The following NTNG2 variants were observed in gnomAD, a reference collection of about 807,000 sequenced individuals.
NTNG2 encodes the protein netrin G2.
In NTNG2, 15 loss-of-function variants were observed where a neutral mutation model predicts 47.6. The observed-to-expected ratio is 0.32, with a 90% CI of 0.21 to 0.49. The LOEUF (loss-of-function observed/expected upper bound fraction) is 0.49, where lower values mean the gene tolerates loss of function less well. NTNG2 is among the 20% of genes least tolerant of loss of function. NTNG2 has a pLI of 0.99. For synonymous variants in NTNG2, 307 were observed against 324.6 expected (o/e 0.95, Z 0.58); for missense variants, 578 against 764.6 (o/e 0.76, Z 2.88).
Position 132,189,068 on chromosome 9 carries a change from C to CTT in NTNG2, c.214-8872_214-8871dup, listed in dbSNP as rs749756559. Among the ~76,000 whole-genome samples, 384 of 93,266 alleles carry CTT rather than the reference C, an allele frequency of 4.1e-3. 61 individuals are homozygous for CTT. The highest frequency in any genetic ancestry group is 0.015 in the African/African-American group (330 of 21,980). 61.2% of individuals were successfully genotyped at this position (93,266 alleles called of 152,430 possible). On this transcript the variant is annotated intron_variant, in intron 2 of 7. Coordinates refer to ENST00000393229, the MANE Select transcript of NTNG2 (RefSeq NM_032536.4). ...TATGTGAAAAAGGCTTTAAGCCTTT[C>CTT]TTTTTTTTTTTTTTTTTTTTTTTTT...
At chr9:132,219,090 G>A (rs1353502437) in intron 3 of NTNG2, among the ~76,000 whole-genome samples, 6 of 151,966 alleles carry the variant, frequency 3.9e-5, no homozygotes, top group African/African-American at 7.2e-5. Context: ...GGTGGCACAC[G>A]CCTGTAATCC....
At position 132,197,473 on chromosome 9, in the gene NTNG2, G is replaced by A. The variant is rs749061685; in HGVS notation, c.214-493G>A. ...GAGATATTTAGAGAGTCGAGAATGTGAATGGGAATTTTTGAGGCGGACAGA... is the reference window on the plus strand; with the variant it reads ...GAGATATTTAGAGAGTCGAGAATGTAAATGGGAATTTTTGAGGCGGACAGA... On this transcript the variant is annotated intron_variant, in intron 2 of 7. Coordinates refer to ENST00000393229, the MANE Select transcript of NTNG2 (RefSeq NM_032536.4). This position sits in a 1 kb window ranked among gnomAD's most constrained non-coding sequence, Gnocchi z 4.3. 1.3e-4 allele frequency among the ~76,000 whole-genome samples: 20 copies of A among 152,246 alleles called. No homozygotes were observed. The highest frequency in any genetic ancestry group is 2.5e-4 in the Non-Finnish European group (17 of 68,046).
At chr9:132,202,914 G>C (rs1838887207) in intron 3 of NTNG2, among the ~76,000 whole-genome samples, 2 of 152,284 alleles carry the variant, frequency 1.3e-5, no homozygotes, top group African/African-American at 4.8e-5. Flanking sequence ...TGGAACCTCA[G>C]TTTTCTCATC....
At chr9:132,192,741 T>C (rs1377743752) in intron 2 of NTNG2, among the ~76,000 whole-genome samples, 1 of 152,120 alleles carries the variant, frequency 6.6e-6, no homozygotes, top group South Asian at 2.1e-4. Flanking sequence ...TTCTGAGACC[T>C]TGGGGAGCAA....
intron 2 of NTNG2, among the ~76,000 whole-genome samples, chr9:132,167,487 C>A (rs1388106774): frequency 6.6e-6 from 1 of 152,242 alleles, no homozygotes; most frequent in Non-Finnish European, 1.5e-5. Flanking sequence ...TCCAATCCAG[C>A]AGACGGTACC....
intron 2 of NTNG2, among the ~76,000 whole-genome samples, chr9:132,190,006 G>A (rs902392152): frequency 1.4e-5 from 2 of 147,962 alleles, no homozygotes; most frequent in Admixed American, 6.7e-5. Flanking sequence ...GGCCGAGGCG[G>A]GCGGCTCATG....
rs1469763875 is a variant in NTNG2, at chr9:132,231,405, C to T, written c.1054+810C>T. 6.6e-6 allele frequency: 3 copies of T among 451,704 alleles called. No homozygotes were observed. Among genetic ancestry groups the T allele is most frequent in the East Asian group, 7.1e-5 (1 of 14,176 alleles). 28.0% of individuals were successfully genotyped at this position (451,704 alleles called of 1,614,324 possible). A position where few individuals can be genotyped will look rare whatever the true frequency, so the allele number is the denominator to read the frequency against. ...GAGCAGACCCCAAATCTCAGAGATGCTTCTGGGGTGCACCGTCACCCTCCA... is the reference window on the plus strand; with the variant it reads ...GAGCAGACCCCAAATCTCAGAGATGTTTCTGGGGTGCACCGTCACCCTCCA... On this transcript the variant is annotated intron_variant, in intron 5 of 7. Coordinates refer to ENST00000393229, the MANE Select transcript of NTNG2 (RefSeq NM_032536.4). The surrounding 1 kb of genome is among the most constrained non-coding windows in gnomAD (Gnocchi z 4.1).
intron 2 of NTNG2, among the ~76,000 whole-genome samples, chr9:132,179,858 G>A (rs1183051130): frequency 6.6e-5 from 10 of 152,166 alleles, no homozygotes; most frequent in African/African-American, 2.2e-4. Flanking sequence ...TCGAATGGTC[G>A]TTCTGAAATT....
rs376239734 is a variant in NTNG2, at chr9:132,194,432, A to G, written c.214-3534A>G. ...CCCCACAGCCTCTCAGTCCCTCACC[A>G]TTCCAGGCAACAGCACAGGACAGGG... On this transcript the variant is annotated intron_variant, in intron 2 of 7. Coordinates refer to ENST00000393229, the MANE Select transcript of NTNG2 (RefSeq NM_032536.4). 3.3e-5 allele frequency among the ~76,000 whole-genome samples: 5 copies of G among 152,240 alleles called. No individual in the cohort carries two copies. In the East Asian group the frequency reaches 7.7e-4, roughly 23 times the overall value.
chr9:132,205,403 G>A (rs1016789849), intron 3 of NTNG2, among the ~76,000 whole-genome samples: 3 of 152,160 alleles, frequency 2.0e-5, no homozygotes, highest in African/African-American at 7.2e-5. Flanking sequence ...CGTCCCCAGA[G>A]TCGTCAAATT....
chr9:132,219,439 G>A (rs900662914), intron 3 of NTNG2, among the ~76,000 whole-genome samples: 1 of 151,642 alleles, frequency 6.6e-6, no homozygotes, highest in Non-Finnish European at 1.5e-5. Flanking sequence ...TAGATGTGGT[G>A]GTGGGTGCCT....
chr9:132,216,159 C>G (rs893658610), intron 3 of NTNG2, among the ~76,000 whole-genome samples: 2 of 152,188 alleles, frequency 1.3e-5, no homozygotes, highest in Non-Finnish European at 2.9e-5. Flanking sequence ...TGACACTCAC[C>G]GGCCTTTAAC....
At chr9:132,162,027 C>G (rs1420891102), upstream of NTNG2, 2 of 149,252 alleles carry the variant, frequency 1.3e-5, no homozygotes, top group Non-Finnish European at 3.0e-5. This position sits in a 1 kb window ranked among gnomAD's most constrained non-coding sequence, Gnocchi z 4.6. Flanking sequence ...TGCGGGCGGC[C>G]CCCCCGGCGG....
At chr9:132,219,262 C>T (rs915732682) in intron 3 of NTNG2, among the ~76,000 whole-genome samples, 4 of 149,796 alleles carry the variant, frequency 2.7e-5, no homozygotes, top group African/African-American at 9.8e-5. Context: ...CTATCCTAGA[C>T]ATTTTGTGTA....
chr9:132,240,726 T>C (rs1841920695), intron 6 of NTNG2, 184 bp from the exon 7 acceptor site: 1 of 787,368 alleles, frequency 1.3e-6, no homozygotes. Context: ...GAGTCTTCTC[T>C]CCAGGCCTGG....
chr9:132,187,306 A>G (rs1227312844), intron 2 of NTNG2, among the ~76,000 whole-genome samples: 1 of 152,244 alleles, frequency 6.6e-6, no homozygotes, highest in Non-Finnish European at 1.5e-5. Flanking sequence ...TGCTCCAACC[A>G]GAAAACAAAA....
rs13283095 is a variant in NTNG2, at chr9:132,162,804, G to A, written c.-484+565G>A. 0.18 allele frequency among the ~76,000 whole-genome samples: 26,693 copies of A among 151,714 alleles called. 2,434 individuals carry two copies. The highest frequency in any genetic ancestry group is 0.22 in the East Asian group (1,105 of 5,112). Reference sequence around the variant, plus strand: ...GAGAAACTCCCGGCCAGTCCGGCTGGAAACTTCTCCCGGCGCCGGGAGGGG... The same window carrying A: ...GAGAAACTCCCGGCCAGTCCGGCTGAAAACTTCTCCCGGCGCCGGGAGGGG... On this transcript the variant is annotated intron_variant, in intron 1 of 7. Coordinates refer to ENST00000393229, the MANE Select transcript of NTNG2 (RefSeq NM_032536.4). This position sits in a 1 kb window ranked among gnomAD's most constrained non-coding sequence, Gnocchi z 4.6.
rs530395917 is a variant in NTNG2, at chr9:132,236,318, C to A, written c.1055-2786C>A. On this transcript the variant is annotated intron_variant, in intron 5 of 7. Coordinates refer to ENST00000393229, the MANE Select transcript of NTNG2 (RefSeq NM_032536.4). This position sits in a 1 kb window ranked among gnomAD's most constrained non-coding sequence, Gnocchi z 4.3. ...AGGGAGGGCGGGGTCCTGGAAGACA[C>A]TGACATCCTCCTGCTACGTGGGAGG... 2.2e-4 allele frequency among the ~76,000 whole-genome samples: 34 copies of A among 152,310 alleles called. 1 individual carries two copies. The South Asian group carries it at 6.8e-3, about 31-fold the overall frequency.
rs1316012679 is a variant in NTNG2 at position 132,162,896 on chromosome 9, GC to G, written c.-484+658del. ...GTGGAGTCGAACCTGGAACTGAGCG[GC>G]GCGCAGGTGGGGGGAGCAGAGGCGG... On this transcript the variant is annotated intron_variant, in intron 1 of 7. Coordinates refer to ENST00000393229, the MANE Select transcript of NTNG2 (RefSeq NM_032536.4). The surrounding 1 kb of genome is among the most constrained non-coding windows in gnomAD (Gnocchi z 4.6). 1.3e-5 allele frequency among the ~76,000 whole-genome samples: 2 copies of G among 152,124 alleles called. No individual in the cohort carries two copies. The highest frequency in any genetic ancestry group is 2.9e-5 in the Non-Finnish European group (2 of 68,020).
Sources: allele counts gnomAD v4.1 joint callset (sites outside exome capture counted in the v4.1 genomes callset), GRCh38; gene constraint gnomAD v4.1.1; non-coding constraint Gnocchi (gnomAD v3.1); transcripts MANE v1.5; gene names NCBI Gene and HGNC (gene_info 2026-07-23, HGNC 2026-07-21).